NFXL1: variants seen among roughly 807,000 people sequenced by gnomAD.
The protein encoded by NFXL1 is NF-X1-type zinc finger protein NFXL1.
A neutral mutation model predicts 123.3 loss-of-function variants in NFXL1; 66 were observed. The observed-to-expected ratio is 0.54, with a 90% CI of 0.44 to 0.66. The LOEUF is 0.66. NFXL1 is among the 30% of genes least tolerant of loss of function. The pLI, the probability that NFXL1 is intolerant of heterozygous loss-of-function variation, is 0.00. For synonymous variants in NFXL1, 346 were observed against 360.8 expected (o/e 0.96, Z 0.46); for missense variants, 944 against 1,125.6 (o/e 0.84, Z 2.31).
At chr4:47,855,721 A>T (rs1443818641) in intron 19 of NFXL1, among the ~76,000 whole-genome samples, 3 of 152,132 alleles carry the variant, frequency 2.0e-5, no homozygotes, top group Non-Finnish European at 4.4e-5. Context: ...CGGTGTTATA[A>T]CTGTTTAGCC....
At chr4:47,898,174 AAAC>A in intron 8 of NFXL1, 93 bp from the exon 9 acceptor site, 3 of 609,608 alleles carry the variant, frequency 4.9e-6, no homozygotes, top group Non-Finnish European at 2.7e-6. Flanking sequence ...AATCACAAAT[AAAC>A]AACTGCTTTA....
intron 20 of NFXL1, 119 bp downstream of exon 20, chr4:47,854,940 C>CAA (rs373169214): frequency 3.5e-4 from 69 of 199,738 alleles, no homozygotes; most frequent in South Asian, 3.8e-4. Flanking sequence ...AATTAAAAGG[C>CAA]AAAAAAAAAA....
At chr4:47,894,335 A>T in intron 10 of NFXL1, 33 bp from the exon 11 acceptor site, 1 of 1,509,984 alleles carries the variant, frequency 6.6e-7, no homozygotes, top group Non-Finnish European at 8.9e-7. Flanking sequence ...ATTAAAATTG[A>T]TTTTTGTTAA....
At chr4:47,880,022 G>A (rs1249387723) in intron 15 of NFXL1, among the ~76,000 whole-genome samples, 1 of 151,920 alleles carries the variant, frequency 6.6e-6, no homozygotes, top group East Asian at 1.9e-4. Context: ...AACACCAAAA[G>A]CACAATCCAT....
At chr4:47,896,035 G>C (rs1009667300) in intron 10 of NFXL1, among the ~76,000 whole-genome samples, 1 of 152,118 alleles carries the variant, frequency 6.6e-6, no homozygotes, top group African/African-American at 2.4e-5. Context: ...GGAACGACTG[G>C]TCAGTAGAGC....
At chr4:47,873,310 T>C (rs1276114396) in intron 18 of NFXL1, among the ~76,000 whole-genome samples, 1 of 152,184 alleles carries the variant, frequency 6.6e-6, no homozygotes, top group Non-Finnish European at 1.5e-5. Flanking sequence ...CTTAATGACA[T>C]CTAGAATGGT....
chr4:47,901,028 T>G (rs1436322370), intron 5 of NFXL1, among the ~76,000 whole-genome samples: 1 of 152,182 alleles, frequency 6.6e-6, no homozygotes, highest in Non-Finnish European at 1.5e-5. Context: ...CAACTCAACA[T>G]ACCTTAACAC....
chr4:47,855,613 G>A (rs1297544876), intron 19 of NFXL1, among the ~76,000 whole-genome samples: 1 of 151,814 alleles, frequency 6.6e-6, no homozygotes, highest in Non-Finnish European at 1.5e-5. Context: ...CAGCTGACTT[G>A]GATTCATGGG....
chr4:47,894,598 G>C (rs1198895930), intron 10 of NFXL1, among the ~76,000 whole-genome samples: 1 of 150,390 alleles, frequency 6.6e-6, no homozygotes, highest in Non-Finnish European at 1.5e-5. Context: ...CATAACATCT[G>C]CAACTCTTGT....
intron 22 of NFXL1, among the ~76,000 whole-genome samples, chr4:47,849,191 T>C (rs12505333): frequency 0.34 from 52,229 of 151,998 alleles, 10,228 homozygotes; most frequent in Non-Finnish European, 0.44. Flanking sequence ...TTTTTAAAAA[T>C]AGTAAAAATT....
intron 19 of NFXL1, among the ~76,000 whole-genome samples, chr4:47,856,288 T>C (rs550060962): frequency 6.6e-6 from 1 of 152,256 alleles, no homozygotes; most frequent in South Asian, 2.1e-4. Context: ...TTAAATGAGT[T>C]CAGTATATTT....
intron 17 of NFXL1, among the ~76,000 whole-genome samples, chr4:47,878,005 T>A (rs969714120): frequency 6.6e-6 from 1 of 152,072 alleles, no homozygotes; most frequent in African/African-American, 2.4e-5. Context: ...CTCATACACT[T>A]GTAAAATGCT....
chr4:47,878,281 G>C (rs1413572003), intron 17 of NFXL1, among the ~76,000 whole-genome samples: 1 of 151,792 alleles, frequency 6.6e-6, no homozygotes, highest in Admixed American at 6.6e-5. Context: ...ATTAACACAG[G>C]TACAGTATGT....
chr4:47,874,186 G>T (rs530885846), intron 18 of NFXL1, among the ~76,000 whole-genome samples: 2 of 152,108 alleles, frequency 1.3e-5, no homozygotes, highest in Non-Finnish European at 2.9e-5. Flanking sequence ...TTCTGTGTTC[G>T]CTGGAATGAA....
chr4:47,880,845 G>C (rs1048044542), intron 15 of NFXL1, among the ~76,000 whole-genome samples: 3 of 141,480 alleles, frequency 2.1e-5, no homozygotes, highest in African/African-American at 7.8e-5. Flanking sequence ...AAAAGGAACA[G>C]GAAATTAAAC....
At chr4:47,888,872 C>T (rs1318426482) in intron 12 of NFXL1, among the ~76,000 whole-genome samples, 1 of 152,112 alleles carries the variant, frequency 6.6e-6, no homozygotes, top group Non-Finnish European at 1.5e-5. Flanking sequence ...AATGAAGTTA[C>T]TTATGAGACA....
chr4:47,876,788 T>C (rs1341706850), intron 17 of NFXL1, among the ~76,000 whole-genome samples: 1 of 152,116 alleles, frequency 6.6e-6, no homozygotes, highest in Non-Finnish European at 1.5e-5. Context: ...GTGGTAGTGG[T>C]ACAGGTTATG....
In NFXL1 at chr4:47,899,120, C is replaced by T; in HGVS notation, c.827G>A (p.Gly276Asp). Residue 276 changes from glycine (G) to aspartate (D), a missense_variant and splice_region_variant, in exon 7 of 23, where the codon GGT (glycine) becomes GAT (aspartate). By Grantham distance (94) the Gly-to-Asp change is moderately conservative. Around this residue, in one of 4 missense-constraint regions of NFXL1, gnomAD observed 296 missense variants for 395.1 expected, o/e 0.75. Transcript: ENST00000507489. ...CATCTTTGGACAAGGAGGGCAGGGACCTAGAATTCAGTAAAAGCAAAAAAA... is the reference window on the plus strand; with the variant it reads ...CATCTTTGGACAAGGAGGGCAGGGATCTAGAATTCAGTAAAAGCAAAAAAA... The part of the protein sequence containing the change: ...GHKCLLLCHP[G>D]PCPPCPKMVT... 7.0e-7 allele frequency: 1 copy of T among 1,424,402 alleles called. No individual in the cohort carries two copies. 88.2% of individuals were successfully genotyped at this position (1,424,402 alleles called of 1,614,324 possible).
chr4:47,852,440 T>C (rs1360944468), intron 20 of NFXL1, among the ~76,000 whole-genome samples: 1 of 152,174 alleles, frequency 6.6e-6, no homozygotes, highest in Non-Finnish European at 1.5e-5. Context: ...TGTTTTATGC[T>C]AATTCATTAC....
Sources: gnomAD v4.1 joint callset for allele counts (sites outside exome capture counted in the v4.1 genomes callset) on GRCh38, gnomAD v4.1.1 for gene constraint, gnomAD v4.1.1 regional missense constraint, MANE v1.5 for transcripts, NCBI Gene and HGNC (gene_info 2026-07-23, HGNC 2026-07-21) for gene names.